The following RIMS1 variants were observed in gnomAD, a reference collection of about 807,000 sequenced individuals.
The protein encoded by RIMS1 is regulating synaptic membrane exocytosis 1, also known as regulating synaptic membrane exocytosis protein 1.
RIMS1 carries 83 observed loss-of-function variants against 214.1 expected under a neutral mutation model. The ratio of observed to expected loss-of-function variants is 0.39; its 90% CI spans 0.32 to 0.47. The LOEUF (loss-of-function observed/expected upper bound fraction) is 0.47, where lower values mean the gene tolerates loss of function less well. RIMS1 is among the 20% of genes least tolerant of loss of function. The pLI, the probability that RIMS1 is intolerant of heterozygous loss-of-function variation, is 0.99. For missense variants in RIMS1, 2,050 were observed against 2,161.8 expected, an observed-to-expected ratio of 0.95 and a Z score of 1.03; for synonymous variants, 793 against 786.8, an observed-to-expected ratio of 1.01 and a Z score of -0.13.
intron 1 of RIMS1, among the ~76,000 whole-genome samples, chr6:71,892,616 A>T (rs1222000089): frequency 6.6e-6 from 1 of 152,108 alleles, no homozygotes. Context: ...CTAATACCAT[A>T]GCATTTTCCC....
chr6:72,343,235 T>C (rs922163410), intron 29 of RIMS1, among the ~76,000 whole-genome samples: 1 of 151,824 alleles, frequency 6.6e-6, no homozygotes, highest in African/African-American at 2.4e-5. Flanking sequence ...ACCATAAGAT[T>C]CTTTGAGAAT....
At chr6:71,955,322 A>G (rs2151182805) in intron 1 of RIMS1, among the ~76,000 whole-genome samples, 1 of 152,160 alleles carries the variant, frequency 6.6e-6, no homozygotes, top group South Asian at 2.1e-4. Context: ...GCCAGCCATC[A>G]TGCCTGGCTA....
At chr6:72,382,665 C>G (rs935292536) in intron 29 of RIMS1, among the ~76,000 whole-genome samples, 1 of 152,198 alleles carries the variant, frequency 6.6e-6, no homozygotes, top group East Asian at 1.9e-4. Flanking sequence ...GTTTACTTCT[C>G]TGGCTTCACA....
At chr6:72,032,091 A>G (rs556638607) in intron 2 of RIMS1, among the ~76,000 whole-genome samples, 1 of 152,150 alleles carries the variant, frequency 6.6e-6, no homozygotes, top group Non-Finnish European at 1.5e-5. Context: ...GCAGAGTCTA[A>G]AGAACATAAG....
At chr6:72,390,562 A>G in intron 29 of RIMS1, 36 bp from the exon 30 acceptor site, 2 of 1,580,896 alleles carry the variant, frequency 1.3e-6, no homozygotes, top group Non-Finnish European at 1.7e-6. Flanking sequence ...AACTGTCTAA[A>G]TAAAACTTAG....
At chr6:72,148,708 C>G in intron 4 of RIMS1, 1 of 327,274 alleles carries the variant, frequency 3.1e-6, no homozygotes, top group Non-Finnish European at 5.5e-6. Context: ...TTTGCGGAGA[C>G]TTGGGTTTTT....
At chr6:72,192,706 G>A (rs2050257108) in intron 6 of RIMS1, among the ~76,000 whole-genome samples, 2 of 152,138 alleles carry the variant, frequency 1.3e-5, no homozygotes, top group African/African-American at 4.8e-5. Context: ...TGCCCACCTT[G>A]CCTTTGATGG....
chr6:71,913,743 T>A (rs1161966198), intron 1 of RIMS1, among the ~76,000 whole-genome samples: 1 of 152,070 alleles, frequency 6.6e-6, no homozygotes, highest in Non-Finnish European at 1.5e-5. Context: ...CATTTCCCAA[T>A]CTGTGAGTTC....
intron 1 of RIMS1, among the ~76,000 whole-genome samples, chr6:71,917,178 C>CT (rs1418055193): frequency 6.6e-6 from 1 of 152,086 alleles, no homozygotes; most frequent in East Asian, 1.9e-4. Flanking sequence ...ACATAAGGAG[C>CT]TTAAAACAGT....
intron 2 of RIMS1, among the ~76,000 whole-genome samples, chr6:72,072,063 C>A (rs1262045555): frequency 1.3e-5 from 2 of 152,126 alleles, no homozygotes; most frequent in African/African-American, 2.4e-5. Context: ...ATATGCCTCA[C>A]AAGGTGATTC....
At chr6:72,119,760 C>T (rs777397887) in intron 4 of RIMS1, among the ~76,000 whole-genome samples, 16 of 151,618 alleles carry the variant, frequency 1.1e-4, no homozygotes, top group South Asian at 2.1e-4. Flanking sequence ...CCCATTAACT[C>T]GTCATTTACA....
intron 4 of RIMS1, among the ~76,000 whole-genome samples, chr6:72,153,044 G>A (rs201160562): frequency 2.2e-5 from 3 of 133,806 alleles, no homozygotes; most frequent in Admixed American, 7.7e-5. Flanking sequence ...GTGTGTGTGT[G>A]TATATATATG....
chr6:72,150,655 A>C (rs2043420601), intron 4 of RIMS1, among the ~76,000 whole-genome samples: 1 of 152,250 alleles, frequency 6.6e-6, no homozygotes, highest in Non-Finnish European at 1.5e-5. Context: ...TAATGTCACG[A>C]ACTAGTTTCG....
chr6:71,990,031 A>G (rs1304877216), intron 2 of RIMS1, among the ~76,000 whole-genome samples: 1 of 152,194 alleles, frequency 6.6e-6, no homozygotes, highest in Non-Finnish European at 1.5e-5. Flanking sequence ...CATGGAAGCC[A>G]TCTCTGATTT....
At chr6:72,219,967 A>G (rs1195341410) in intron 6 of RIMS1, among the ~76,000 whole-genome samples, 1 of 152,078 alleles carries the variant, frequency 6.6e-6, no homozygotes, top group African/African-American at 2.4e-5. Flanking sequence ...TGTGTGTGAT[A>G]TTTCTCTTGC....
At chr6:72,347,403 C>CA (rs1257387432) in intron 29 of RIMS1, among the ~76,000 whole-genome samples, 3 of 151,820 alleles carry the variant, frequency 2.0e-5, no homozygotes, top group Non-Finnish European at 4.4e-5. Context: ...TGAGGCCACT[C>CA]AGTCCCCCTC....
At chr6:71,975,593 C>T (rs1796922292) in intron 2 of RIMS1, among the ~76,000 whole-genome samples, 1 of 152,122 alleles carries the variant, frequency 6.6e-6, no homozygotes, top group Admixed American at 6.6e-5. Flanking sequence ...ATACAATGCA[C>T]ATACCATACA....
chr6:72,270,108 A>G (rs913416817), intron 22 of RIMS1, among the ~76,000 whole-genome samples: 1 of 152,164 alleles, frequency 6.6e-6, no homozygotes, highest in East Asian at 1.9e-4. Context: ...TTCTTCCACG[A>G]TATCACCATA....
chr6:72,311,060 A>C (rs941138226), intron 27 of RIMS1, among the ~76,000 whole-genome samples: 4 of 152,146 alleles, frequency 2.6e-5, no homozygotes, highest in African/African-American at 9.6e-5. Context: ...ATTTTCATAT[A>C]CATTCACATA....
Sources: gnomAD v4.1 joint callset for allele counts (sites outside exome capture counted in the v4.1 genomes callset) on GRCh38, gnomAD v4.1.1 for gene constraint, MANE v1.5 for transcripts, NCBI Gene and HGNC (gene_info 2026-07-23, HGNC 2026-07-21) for gene names.